NSRP1: variants seen among roughly 807,000 people sequenced by gnomAD.
NSRP1 encodes the protein nuclear speckle splicing regulatory protein 1.
NSRP1 carries 24 observed loss-of-function variants against 54.7 expected under a neutral mutation model. That is an observed-to-expected ratio of 0.44 (90% CI 0.32 to 0.62). The LOEUF (loss-of-function observed/expected upper bound fraction) is 0.62, where lower values mean the gene tolerates loss of function less well. Among genes scored for constraint, NSRP1 ranks in the 20% least tolerant of loss-of-function variants. NSRP1 has a pLI of 0.06. For missense variants in NSRP1, 596 were observed against 651.2 expected (o/e 0.92, Z 0.92); for synonymous variants, 210 against 213.8 (o/e 0.98, Z 0.15).
chr17:30,173,506 C>T lies in NSRP1; in HGVS notation c.171+908C>T, dbSNP rs377650757. Among the ~76,000 whole-genome samples, 46 of 152,098 alleles carry T rather than the reference C, an allele frequency of 3.0e-4. No individual in the cohort carries two copies. The East Asian group carries it at 7.7e-3, about 26-fold the overall frequency. On this transcript the variant is annotated intron_variant, in intron 3 of 6. Transcript: ENST00000247026. Reference sequence around the variant, plus strand: ...AGAATGTAATGAAATTAAACAATAGCGAGGTGCCTTTGTTTTTCATTTTGA... The same window carrying T: ...AGAATGTAATGAAATTAAACAATAGTGAGGTGCCTTTGTTTTTCATTTTGA...
intron 1 of NSRP1, chr17:30,117,832 C>T: frequency 3.2e-6 from 1 of 312,518 alleles, no homozygotes; most frequent in Non-Finnish European, 5.7e-6. Flanking sequence ...TCATTTACTT[C>T]TCTTCTTTGA....
intron 2 of NSRP1, among the ~76,000 whole-genome samples, chr17:30,148,318 A>G (rs2071875816): frequency 6.6e-6 from 1 of 152,204 alleles, no homozygotes; most frequent in African/African-American, 2.4e-5. Context: ...TCAATTCACT[A>G]AAACTTGATT....
At chr17:30,151,322 C>T (rs764476435) in intron 2 of NSRP1, among the ~76,000 whole-genome samples, 1 of 152,076 alleles carries the variant, frequency 6.6e-6, no homozygotes, top group African/African-American at 2.4e-5. Flanking sequence ...TACCAACACC[C>T]GTGCAGCTGA....
chr17:30,155,648 A>G (rs1194290362), intron 2 of NSRP1, among the ~76,000 whole-genome samples: 2 of 151,968 alleles, frequency 1.3e-5, no homozygotes, highest in Admixed American at 6.6e-5. Context: ...GGCTCAAGTG[A>G]TCCTCTTGCC....
chr17:30,150,009 G>A (rs2071891281), intron 2 of NSRP1: 1 of 152,094 alleles, frequency 6.6e-6, no homozygotes, highest in Admixed American at 6.6e-5. Context: ...TTGACTTTAT[G>A]TCTCTACAGA....
chr17:30,156,119 C>T (rs1029291697), intron 2 of NSRP1, among the ~76,000 whole-genome samples: 2 of 151,766 alleles, frequency 1.3e-5, no homozygotes, highest in African/African-American at 2.4e-5. Flanking sequence ...GGATTACAGG[C>T]GTGAGCCACC....
At chr17:30,133,130 T>G (rs2071717095) in intron 2 of NSRP1, among the ~76,000 whole-genome samples, 1 of 123,662 alleles carries the variant, frequency 8.1e-6, no homozygotes, top group African/African-American at 2.7e-5. Context: ...TTTTTTTTTT[T>G]TGGTAGAGAC....
At chr17:30,175,647 C>T (rs555632765) in intron 3 of NSRP1, among the ~76,000 whole-genome samples, 2 of 151,926 alleles carry the variant, frequency 1.3e-5, no homozygotes, top group Non-Finnish European at 2.9e-5. Context: ...TCAGGAGATC[C>T]GCCCGTCTTC....
At chr17:30,144,266 A>ATTC (rs1205598841) in intron 2 of NSRP1, 1 of 139,660 alleles carries the variant, frequency 7.2e-6, no homozygotes, top group Non-Finnish European at 1.5e-5. Flanking sequence ...TATTATTATT[A>ATTC]TTATTTTTTT....
chr17:30,116,830 G>T lies in NSRP1; in HGVS notation c.-14G>T. The T allele has an allele frequency of 6.4e-7, 1 of 1,572,782 alleles. No individual in the cohort carries two copies. Among genetic ancestry groups the T allele is most frequent in the Non-Finnish European group, 8.6e-7 (1 of 1,158,576 alleles). On this transcript the variant is annotated 5_prime_UTR_variant, in exon 1 of 7. Transcript: ENST00000247026. Reference sequence around the variant, plus strand: ...ACGGAGGCGTCGGCCACGTTCAGCGGACACGGGAGCAAGATGGCGATTCCG... The same window carrying T: ...ACGGAGGCGTCGGCCACGTTCAGCGTACACGGGAGCAAGATGGCGATTCCG...
At chr17:30,171,958 ACACACACACACACACTCC>A (rs1388178097) in intron 2 of NSRP1, among the ~76,000 whole-genome samples, 1 of 135,334 alleles carries the variant, frequency 7.4e-6, no homozygotes, top group African/African-American at 2.8e-5. Flanking sequence ...ACACACACAC[ACACACACACACACACTCC>A]CTCTCTCTCT....
rs1327063360 is a variant in NSRP1 at position 30,171,958 on chromosome 17, ACACACACACACACACTCCCT to A, written c.115-582_115-563del. 6.2e-4 allele frequency among the ~76,000 whole-genome samples: 84 copies of A among 135,466 alleles called. 1 individual carries two copies. Among genetic ancestry groups the A allele is most frequent in the African/African-American group, 2.2e-3 (78 of 36,144 alleles). 88.9% of individuals were successfully genotyped at this position (135,466 alleles called of 152,430 possible). A position where few individuals can be genotyped will look rare whatever the true frequency, so the allele number is the denominator to read the frequency against. On this transcript the variant is annotated intron_variant, in intron 2 of 6. Transcript: ENST00000247026. ...CTCACACACACACACACACACACAC[ACACACACACACACACTCCCT>A]CTCTCTCTCTCTCTCTCTCTCTCTC... is the stretch of plus-strand genomic sequence containing the variant.
intron 2 of NSRP1, among the ~76,000 whole-genome samples, chr17:30,121,557 CGTGTGT>C (rs1177357412): frequency 3.6e-5 from 5 of 139,378 alleles, no homozygotes; most frequent in South Asian, 2.2e-4. Flanking sequence ...TGTGTGTGTG[CGTGTGT>C]GTGTGTGTTT....
At position 30,179,136 on chromosome 17, in the gene NSRP1, A is replaced by G. The variant is rs1165099443; in HGVS notation, c.347A>G (p.Lys116Arg). The G allele has an allele frequency of 3.1e-6, 5 of 1,600,892 alleles. No individual in the cohort carries two copies. The highest frequency in any genetic ancestry group is 1.3e-5 in the African/African-American group (1 of 74,784). Residue 116 changes from lysine to arginine, a missense_variant, in exon 5 of 7, where the codon AAG (lysine) becomes AGG (arginine). Lys to Arg is a conservative substitution (Grantham distance 26). Coordinates refer to ENST00000247026, the MANE Select transcript of NSRP1 (RefSeq NM_032141.4). ...NLLKAVEIRK[K>R]EQEKRMEKKI... ...CTAAAAGCAGTTGAGATCAGAAAAA[A>G]GGAACAGGAAAAAAGAATGGAAAAG...
intron 2 of NSRP1, among the ~76,000 whole-genome samples, chr17:30,131,893 A>G (rs2071703230): frequency 6.6e-6 from 1 of 152,226 alleles, no homozygotes; most frequent in Non-Finnish European, 1.5e-5. Flanking sequence ...GTAATAATCT[A>G]AATTCTTTGT....
At chr17:30,163,258 A>T (rs927890139) in intron 2 of NSRP1, 10 of 143,408 alleles carry the variant, frequency 7.0e-5, no homozygotes, top group Non-Finnish European at 1.5e-4. Context: ...TTTTTAGTAG[A>T]GACGGGGTTT....
At chr17:30,172,095 T>G (rs1904972767) in intron 2 of NSRP1, among the ~76,000 whole-genome samples, 1 of 151,736 alleles carries the variant, frequency 6.6e-6, no homozygotes. Flanking sequence ...TCATGTTTAC[T>G]CATCTTTTCC....
rs369800461 is a variant in NSRP1, at chr17:30,178,025, T to A, written c.172-46T>A. 39 of 1,593,796 alleles carry A rather than the reference T, an allele frequency of 2.4e-5. No homozygotes were observed. The African/African-American group carries it at 5.0e-4, about 20-fold the overall frequency. ...CAAAAAGCATAGACTTTGTTGTATC[T>A]ATTGGCTGGCTCATATTTTTGAAAC... On this transcript the variant is annotated intron_variant, in intron 3 of 6. Coordinates refer to ENST00000247026, the MANE Select transcript of NSRP1 (RefSeq NM_032141.4).
chr17:30,170,103 G>T (rs1426543444), intron 2 of NSRP1, among the ~76,000 whole-genome samples: 2 of 151,800 alleles, frequency 1.3e-5, no homozygotes, highest in Admixed American at 1.3e-4. Context: ...TGCATCAGTA[G>T]CTTTATTTTG....
Sources: gnomAD v4.1 joint callset for allele counts (sites outside exome capture counted in the v4.1 genomes callset) on GRCh38, gnomAD v4.1.1 for gene constraint, MANE v1.5 for transcripts, NCBI Gene and HGNC (gene_info 2026-07-23, HGNC 2026-07-21) for gene names.